Variants in CLASP1 observed in about 807,000 individuals in gnomAD.
The protein encoded by CLASP1 is CLIP-associating protein 1.
CLASP1 carries 38 observed loss-of-function variants against 192.3 expected under a neutral mutation model. The ratio of observed to expected loss-of-function variants is 0.20; its 90% confidence interval spans 0.15 to 0.26. The LOEUF (loss-of-function observed/expected upper bound fraction) is 0.26, where lower values mean the gene tolerates loss of function less well. CLASP1 is among the 10% of genes least tolerant of loss of function. The pLI is 1.00. For missense variants in CLASP1, 1,433 were observed against 1,932.5 expected, an observed-to-expected ratio of 0.74 and a Z score of 4.85; for synonymous variants, 691 against 712.8, an observed-to-expected ratio of 0.97 and a Z score of 0.49.
intron 2 of CLASP1, among the ~76,000 whole-genome samples, chr2:121,586,663 T>C (rs2061747472): frequency 6.6e-6 from 1 of 152,074 alleles, no homozygotes; most frequent in Admixed American, 6.6e-5. Context: ...AAAAGACAAC[T>C]GTCCTGAGTG....
rs138082752 is a variant in CLASP1, at chr2:121,450,074, G to A, written c.1523+839C>T. Among the ~76,000 whole-genome samples the A allele has an allele frequency of 7.3e-3, 1,110 of 152,300 alleles. 7 individuals are homozygous for A. Among genetic ancestry groups the A allele is most frequent in the Non-Finnish European group, 0.013 (876 of 68,030 alleles). On this transcript the variant is annotated intron_variant, in intron 16 of 39. Coordinates refer to ENST00000263710, the Ensembl canonical transcript of CLASP1. Reference sequence around the variant, plus strand: ...AGGCTGGACACAGTGGCTCACACCTGTAATTCCAGCACTTTGGGAGGCCGA... The same window carrying A: ...AGGCTGGACACAGTGGCTCACACCTATAATTCCAGCACTTTGGGAGGCCGA...
chr2:121,393,262 C>A (rs1016290899), intron 30 of CLASP1, among the ~76,000 whole-genome samples: 19 of 152,130 alleles, frequency 1.2e-4, no homozygotes, highest in African/African-American at 3.9e-4. Flanking sequence ...GGAATACCTA[C>A]CCTAAAAAAA....
chr2:121,552,674 A>G (rs2058148428), intron 2 of CLASP1, among the ~76,000 whole-genome samples: 1 of 152,218 alleles, frequency 6.6e-6, no homozygotes, highest in Non-Finnish European at 1.5e-5. Flanking sequence ...ATGGCTATTA[A>G]AAAGTCAAAA....
intron 8 of CLASP1, among the ~76,000 whole-genome samples, chr2:121,488,884 T>C (rs2093142812): frequency 1.3e-5 from 2 of 152,208 alleles, no homozygotes; most frequent in Non-Finnish European, 2.9e-5. Flanking sequence ...TAAGCCTGAA[T>C]TCCAGGTGAT....
At chr2:121,627,220 G>A (rs1429931751) in intron 1 of CLASP1, among the ~76,000 whole-genome samples, 1 of 152,136 alleles carries the variant, frequency 6.6e-6, no homozygotes, top group Non-Finnish European at 1.5e-5. Context: ...ACTGGGTGAA[G>A]GGTAAACAAG....
chr2:121,641,074 T>C (rs2106331881), intron 1 of CLASP1, among the ~76,000 whole-genome samples: 1 of 152,332 alleles, frequency 6.6e-6, no homozygotes, highest in Non-Finnish European at 1.5e-5. Context: ...GCTGTTTTTA[T>C]GCAGTTCAAG....
intron 25 of CLASP1, among the ~76,000 whole-genome samples, chr2:121,406,595 T>A (rs1320980821): frequency 6.6e-6 from 1 of 152,104 alleles, no homozygotes; most frequent in African/African-American, 2.4e-5. Flanking sequence ...TTTTTTATTT[T>A]TTTTATTTTT....
At chr2:121,611,714 AAC>A (rs2065555552) in intron 1 of CLASP1, among the ~76,000 whole-genome samples, 1 of 147,634 alleles carries the variant, frequency 6.8e-6, no homozygotes, top group African/African-American at 2.5e-5. Context: ...GAGGAAGAAG[AAC>A]TGGAGGAGGA....
chr2:121,453,134 T>A (rs1315117612), intron 14 of CLASP1, among the ~76,000 whole-genome samples: 1 of 152,002 alleles, frequency 6.6e-6, no homozygotes, highest in Non-Finnish European at 1.5e-5. Flanking sequence ...AAAAAATTTT[T>A]TTAAAAAAAT....
At chr2:121,643,487 G>A (rs2072548442) in intron 1 of CLASP1, among the ~76,000 whole-genome samples, 1 of 152,198 alleles carries the variant, frequency 6.6e-6, no homozygotes, top group South Asian at 2.1e-4. Context: ...TTTCTCATCT[G>A]CAAATTGATA....
At position 121,560,446 on chromosome 2, in the gene CLASP1, G is replaced by A. The variant is rs574665588; in HGVS notation, c.196-30121C>T. On this transcript the variant is annotated intron_variant, in intron 2 of 39. Transcript: ENST00000263710. ...TTTCACAACAGATACACATAAATTC[G>A]AAATTTAAGAAAGCCACAATTAAAA... Among the ~76,000 whole-genome samples, 23 of 152,264 alleles carry A rather than the reference G, an allele frequency of 1.5e-4. No homozygotes were observed. In the South Asian group the frequency reaches 2.5e-3, roughly 16 times the overall value.
At chr2:121,529,037 T>C (rs940147722) in intron 3 of CLASP1, among the ~76,000 whole-genome samples, 8 of 152,186 alleles carry the variant, frequency 5.3e-5, no homozygotes, top group Admixed American at 5.2e-4. Context: ...CTCCAGCCAG[T>C]TCCCAACGTA....
chr2:121,387,885 A>G, exon 31 of CLASP1: 1 of 1,611,624 alleles, frequency 6.2e-7, no homozygotes, highest in Non-Finnish European at 8.5e-7. Flanking sequence ...TCAAACAGAG[A>G]GATTAGCACA....
intron 23 of CLASP1, among the ~76,000 whole-genome samples, chr2:121,411,293 T>G (rs925902326): frequency 2.6e-5 from 4 of 152,372 alleles, no homozygotes; most frequent in African/African-American, 9.6e-5. Context: ...TAGCTTTCCC[T>G]GTAGAGGCAA....
At chr2:121,636,976 T>C (rs963083281) in intron 1 of CLASP1, among the ~76,000 whole-genome samples, 14 of 152,180 alleles carry the variant, frequency 9.2e-5, no homozygotes, top group African/African-American at 3.4e-4. Flanking sequence ...ATTCAGTCAA[T>C]ATAGGTTAAG....
At chr2:121,601,328 A>T (rs569519162) in intron 2 of CLASP1, among the ~76,000 whole-genome samples, 1 of 149,092 alleles carries the variant, frequency 6.7e-6, no homozygotes, top group South Asian at 2.1e-4. Flanking sequence ...GCTGGAGTGC[A>T]ATGCCATGAT....
At chr2:121,577,143 G>A (rs956784328) in intron 2 of CLASP1, among the ~76,000 whole-genome samples, 1 of 151,978 alleles carries the variant, frequency 6.6e-6, no homozygotes. Context: ...AACAAAAGCA[G>A]CAGAACACTG....
intron 2 of CLASP1, among the ~76,000 whole-genome samples, chr2:121,540,063 C>G (rs1055970265): frequency 1.3e-5 from 2 of 152,232 alleles, no homozygotes; most frequent in Admixed American, 6.5e-5. Context: ...GCTAACAAAT[C>G]TGAAGATATG....
intron 1 of CLASP1, among the ~76,000 whole-genome samples, chr2:121,642,247 G>A (rs929019708): frequency 6.6e-6 from 1 of 150,930 alleles, no homozygotes; most frequent in African/African-American, 2.4e-5. Context: ...GTGGGACCCT[G>A]TCTCTACAAA....
Sources: allele counts gnomAD v4.1 joint callset (sites outside exome capture counted in the v4.1 genomes callset), GRCh38; gene constraint gnomAD v4.1.1; transcripts MANE v1.5; gene names NCBI Gene and HGNC (gene_info 2026-07-23, HGNC 2026-07-21).